COQ10B: variants seen among roughly 807,000 people sequenced by gnomAD.
COQ10B encodes coenzyme Q-binding protein COQ10 homolog B, mitochondrial.
Under a neutral mutation model 27.6 loss-of-function variants are expected in COQ10B, and 12 were observed. That is an observed-to-expected ratio of 0.43 (90% CI 0.28 to 0.70). COQ10B has a LOEUF of 0.70. COQ10B is among the 30% of genes least tolerant of loss of function. The pLI is 0.17. For synonymous variants in COQ10B, 115 were observed against 103.0 expected (o/e 1.12, Z -0.71); for missense variants, 278 against 288.7 (o/e 0.96, Z 0.27).
intron 4 of COQ10B, among the ~76,000 whole-genome samples, chr2:197,473,411 A>ATAT (rs1553575302): frequency 1.1e-4 from 7 of 61,184 alleles, no homozygotes; most frequent in Non-Finnish European, 2.0e-4. Context: ...ACAAAAAAAA[A>ATAT]AAAAATATAT....
Position 197,454,846 on chromosome 2 carries a change from G to A in COQ10B, c.104+1182G>A, listed in dbSNP as rs928151266. On this transcript the variant is annotated intron_variant, in intron 1 of 4. Transcript: ENST00000263960. ...AGATTCTGACCTTTATTATACTTAA[G>A]TATATGAGAGAGTGGTACTGGAAGA... 2.0e-5 allele frequency among the ~76,000 whole-genome samples: 3 copies of A among 152,226 alleles called. 1 individual carries two copies. The highest frequency in any genetic ancestry group is 1.9e-4 in the East Asian group (1 of 5,182).
chr2:197,454,780 A>G (rs1192097232), intron 1 of COQ10B, among the ~76,000 whole-genome samples: 2 of 152,198 alleles, frequency 1.3e-5, no homozygotes, highest in Non-Finnish European at 2.9e-5. Context: ...GTTTATGATA[A>G]TGAGGGCGGC....
intron 3 of COQ10B, 77 bp from the exon 4 acceptor site, chr2:197,469,993 C>T: frequency 1.2e-6 from 1 of 819,430 alleles, no homozygotes; most frequent in Non-Finnish European, 2.0e-6. Flanking sequence ...AAATCAGCCT[C>T]AGTCATAGTA....
Position 197,453,578 on chromosome 2 carries a change from T to A in COQ10B, c.18T>A (p.Gly6=), listed in dbSNP as rs759291019. MAART[G]HTALRRVVSG... Reference sequence around the variant, plus strand: ...AGTCTATCATGGCAGCTCGGACTGGTCATACGGCCTTGAGAAGGGTAGTCT... The same window carrying A: ...AGTCTATCATGGCAGCTCGGACTGGACATACGGCCTTGAGAAGGGTAGTCT... Residue 6 remains glycine (G), a synonymous_variant, in exon 1 of 5, where the codon GGT becomes GGA. Coordinates refer to ENST00000263960, the MANE Select transcript of COQ10B (RefSeq NM_025147.5). The A allele has an allele frequency of 6.2e-7, 1 of 1,613,670 alleles. No individual in the cohort carries two copies. The highest frequency in any genetic ancestry group is 8.5e-7 in the Non-Finnish European group (1 of 1,179,812).
chr2:197,468,453 A>C (rs1022386859), intron 3 of COQ10B, among the ~76,000 whole-genome samples: 3 of 151,700 alleles, frequency 2.0e-5, no homozygotes, highest in African/African-American at 7.3e-5. Context: ...AAAAAAAAAA[A>C]AAAAAAAAAG....
chr2:197,454,187 ACT>A, intron 1 of COQ10B: 1 of 1,472,326 alleles, frequency 6.8e-7, no homozygotes, highest in South Asian at 1.3e-5. Context: ...GGATTTTTTC[ACT>A]CTGCTGTAAC....
At chr2:197,463,964 AATATATATATAT>A (rs879356506) in intron 3 of COQ10B, among the ~76,000 whole-genome samples, 26 of 28,174 alleles carry the variant, frequency 9.2e-4, no homozygotes, top group African/African-American at 3.8e-3. Flanking sequence ...AAAAAAAAAA[AATATATATATAT>A]ATATATATAT....
In COQ10B at chr2:197,473,875, A is replaced by C; in HGVS notation, c.668A>C (p.Glu223Ala). ...ERRACKLYGPETNIPRELMLH... is the reference protein window; with the variant it reads ...ERRACKLYGPATNIPRELMLH... ...AGAGCATGTAAGCTGTATGGTCCAG[A>C]AACAAATATACCTCGGGAGTTAATG... The change falls in exon 5 of 5, where the codon GAA (glutamate) becomes GCA (alanine). Residue 223 changes from glutamate (E) to alanine (A), a missense_variant. By Grantham distance (107) the Glu-to-Ala change is moderately radical. Transcript: ENST00000263960. 6.3e-7 allele frequency: 1 copy of C among 1,595,130 alleles called. No individual in the cohort carries two copies. The highest frequency in any genetic ancestry group is 1.3e-5 in the African/African-American group (1 of 74,660).
At chr2:197,469,961 TA>T in intron 3 of COQ10B, 108 bp from the exon 4 acceptor site, 1 of 644,288 alleles carries the variant, frequency 1.6e-6, no homozygotes, top group Non-Finnish European at 2.7e-6. Context: ...GTCTGACCTA[TA>T]AAAATTATTA....
At chr2:197,454,644 G>A (rs1325953553) in intron 1 of COQ10B, among the ~76,000 whole-genome samples, 1 of 151,846 alleles carries the variant, frequency 6.6e-6, no homozygotes, top group Non-Finnish European at 1.5e-5. Context: ...GCAGAATAAC[G>A]CCATCATACT....
chr2:197,473,174 C>A (rs1012272692), intron 4 of COQ10B, among the ~76,000 whole-genome samples: 13 of 151,664 alleles, frequency 8.6e-5, no homozygotes, highest in African/African-American at 2.9e-4. Flanking sequence ...CTAAAAATCC[C>A]ACCTACATAC....
intron 3 of COQ10B, among the ~76,000 whole-genome samples, chr2:197,463,996 T>C (rs199776502): frequency 0.28 from 9,260 of 32,522 alleles, 1,666 homozygotes; most frequent in East Asian, 0.51. Flanking sequence ...TATATATATA[T>C]ACACACACAC....
chr2:197,456,734 G>A (rs1332788354), intron 1 of COQ10B, among the ~76,000 whole-genome samples: 2 of 151,678 alleles, frequency 1.3e-5, no homozygotes, highest in Non-Finnish European at 2.9e-5. Context: ...CACTGCACTC[G>A]AGCCTGGGTG....
chr2:197,472,287 G>T (rs1386127853), intron 4 of COQ10B, among the ~76,000 whole-genome samples: 1 of 151,962 alleles, frequency 6.6e-6, no homozygotes, highest in Admixed American at 6.6e-5. Context: ...GTTCTGAAAG[G>T]GTATCCAAGG....
chr2:197,463,793 A>G (rs1353541752), intron 3 of COQ10B, among the ~76,000 whole-genome samples: 1 of 149,028 alleles, frequency 6.7e-6, no homozygotes, highest in East Asian at 2.0e-4. Context: ...AAATTAGCCA[A>G]TATGGTGGCA....
chr2:197,453,641 GCAGGCGCC>G lies in COQ10B; in HGVS notation c.83_90del (p.Gln28ArgfsTer27). 2 of 1,613,980 alleles carry G rather than the reference GCAGGCGCC, an allele frequency of 1.2e-6. No individual in the cohort carries two copies. Among genetic ancestry groups the G allele is most frequent in the Non-Finnish European group, 1.7e-6 (2 of 1,179,942 alleles). ...CGAAGTCGGCGACAGCGGCCGGGGC[GCAGGCGCC>G]CGTGCGGAATGGCAGGTAATCAACA... On this transcript the variant is annotated frameshift_variant, in exon 1 of 5. Coordinates refer to ENST00000263960, the MANE Select transcript of COQ10B (RefSeq NM_025147.5). LOFTEE classifies it high-confidence loss of function.
intron 3 of COQ10B, among the ~76,000 whole-genome samples, chr2:197,469,209 A>G (rs957699108): frequency 2.0e-5 from 3 of 150,834 alleles, no homozygotes; most frequent in African/African-American, 7.3e-5. Context: ...TAATTTTTAA[A>G]TTTTTTTCGA....
chr2:197,473,415 A>AAT (rs1161758409), intron 4 of COQ10B, among the ~76,000 whole-genome samples: 1,258 of 59,338 alleles, frequency 0.021, 26 homozygotes, highest in South Asian at 0.041. Context: ...AAAAAAAAAA[A>AAT]ATATATATAT....
chr2:197,456,865 G>A (rs2085705073), intron 1 of COQ10B, among the ~76,000 whole-genome samples: 1 of 152,056 alleles, frequency 6.6e-6, no homozygotes, highest in Non-Finnish European at 1.5e-5. Flanking sequence ...GATAGGGAGA[G>A]ATTTGTTGAA....
Sources: gnomAD v4.1 joint callset for allele counts (sites outside exome capture counted in the v4.1 genomes callset) on GRCh38, gnomAD v4.1.1 for gene constraint, MANE v1.5 for transcripts, NCBI Gene and HGNC (gene_info 2026-07-23, HGNC 2026-07-21) for gene names.